Variants in ZC3H12B observed in about 807,000 individuals in gnomAD.
The protein encoded by ZC3H12B is zinc finger CCCH-type containing 12B.
In ZC3H12B, 7 loss-of-function variants were observed where a neutral mutation model predicts 43.9. That is an observed-to-expected ratio of 0.16 (90% CI 0.09 to 0.30). The LOEUF (loss-of-function observed/expected upper bound fraction) is 0.30, where lower values mean the gene tolerates loss of function less well. ZC3H12B is among the 10% of genes least tolerant of loss of function. ZC3H12B has a pLI of 1.00. For missense variants in ZC3H12B, 475 were observed against 670.2 expected (o/e 0.71, Z 3.22); for synonymous variants, 222 against 241.7 (o/e 0.92, Z 0.76).
chrX:65,371,627 G>A (rs1250554952), intron 2 of ZC3H12B, among the ~76,000 whole-genome samples: 1 of 112,115 alleles, frequency 8.9e-6, no homozygotes, highest in Admixed American at 9.5e-5. Context: ...TGAGACTGAA[G>A]CTCTGAACAA....
At chrX:65,133,165 G>A in the ZC3H12B span, among the ~76,000 whole-genome samples, 2 of 111,496 alleles carry the variant, frequency 1.8e-5, no homozygotes, top group Non-Finnish European at 3.8e-5. Flanking sequence ...GGAAGTTCTT[G>A]TGTGCTGGAG....
At chrX:65,184,674 T>C in the ZC3H12B span, among the ~76,000 whole-genome samples, 1 of 111,417 alleles carries the variant, frequency 9.0e-6, no homozygotes, top group Non-Finnish European at 1.9e-5. Context: ...ACTTGAGATG[T>C]AAAAAGTGTT....
At chrX:65,457,875 G>C (rs757749020) in intron 3 of ZC3H12B, among the ~76,000 whole-genome samples, 8 of 63,242 alleles carry the variant, frequency 1.3e-4, no homozygotes, top group East Asian at 4.2e-4. Context: ...CAGCATGCTC[G>C]TTAAGAGTCA....
intron 3 of ZC3H12B, among the ~76,000 whole-genome samples, chrX:65,482,899 A>G (rs952502338): frequency 8.9e-6 from 1 of 111,963 alleles, no homozygotes; most frequent in Non-Finnish European, 1.9e-5. Context: ...ATGAATGAGT[A>G]ATGAAAATCA....
At chrX:65,062,798 A>T in the ZC3H12B span, among the ~76,000 whole-genome samples, 4 of 112,089 alleles carry the variant, frequency 3.6e-5, no homozygotes, top group Non-Finnish European at 7.5e-5. Context: ...TGAGCATGGA[A>T]TGTTTTTCCT....
At chrX:65,081,600 T>C in the ZC3H12B span, among the ~76,000 whole-genome samples, 1 of 111,907 alleles carries the variant, frequency 8.9e-6, no homozygotes, top group Non-Finnish European at 1.9e-5. Context: ...AAAGTATATA[T>C]GCACCCAACA....
the ZC3H12B span, among the ~76,000 whole-genome samples, chrX:65,350,412 A>G: frequency 8.9e-6 from 1 of 111,972 alleles, no homozygotes; most frequent in African/African-American, 3.2e-5. Context: ...TTAGAAAATC[A>G]GCAAAAGACA....
At chrX:65,135,498 C>T in the ZC3H12B span, among the ~76,000 whole-genome samples, 1 of 109,031 alleles carries the variant, frequency 9.2e-6, no homozygotes, top group African/African-American at 3.3e-5. Context: ...TTAATTTTCA[C>T]ATGTTTAATT....
chrX:65,151,980 A>C, the ZC3H12B span, among the ~76,000 whole-genome samples: 1 of 112,016 alleles, frequency 8.9e-6, no homozygotes, highest in Non-Finnish European at 1.9e-5. Flanking sequence ...ATGACAAAAA[A>C]CACATGATTA....
chrX:65,387,601 C>T (rs935146600), intron 2 of ZC3H12B, among the ~76,000 whole-genome samples: 5 of 112,046 alleles, frequency 4.5e-5, no homozygotes, highest in African/African-American at 1.6e-4. Context: ...TCCAATTTGG[C>T]AGTCTGTGTC....
intron 3 of ZC3H12B, among the ~76,000 whole-genome samples, chrX:65,417,061 C>T (rs1456024460): frequency 1.8e-5 from 2 of 111,773 alleles, no homozygotes; most frequent in Non-Finnish European, 3.8e-5. Flanking sequence ...AAAAGGCACA[C>T]TTGGAGAAAT....
chrX:65,224,283 T>A, the ZC3H12B span, among the ~76,000 whole-genome samples: 1 of 112,494 alleles, frequency 8.9e-6, no homozygotes, highest in Non-Finnish European at 1.9e-5. Context: ...ACAATTGCCT[T>A]TGAGTACTCG....
chrX:65,146,068 A>G, the ZC3H12B span, among the ~76,000 whole-genome samples: 7 of 111,413 alleles, frequency 6.3e-5, no homozygotes, highest in Non-Finnish European at 1.1e-4. Context: ...TTATTCCCCC[A>G]AATATGTTTT....
chrX:65,192,529 A>G, the ZC3H12B span, among the ~76,000 whole-genome samples: 1 of 110,852 alleles, frequency 9.0e-6, no homozygotes, highest in African/African-American at 3.3e-5. Flanking sequence ...TTTATTCTGT[A>G]CCCAGTTTTT....
At chrX:65,107,029 T>A in the ZC3H12B span, among the ~76,000 whole-genome samples, 1 of 111,242 alleles carries the variant, frequency 9.0e-6, no homozygotes, top group African/African-American at 3.3e-5. Context: ...TGAATGTAGG[T>A]TGAGATTGGA....
chrX:65,152,928 A>G, the ZC3H12B span, among the ~76,000 whole-genome samples: 9 of 111,740 alleles, frequency 8.1e-5, no homozygotes, highest in African/African-American at 2.0e-4. Flanking sequence ...AAGTAATGCC[A>G]CATATCTACA....
chrX:65,449,679 A>G (rs190064522), intron 3 of ZC3H12B, among the ~76,000 whole-genome samples: 18 of 111,501 alleles, frequency 1.6e-4, no homozygotes, highest in African/African-American at 5.2e-4. Flanking sequence ...GCCATAAATG[A>G]GAATGAAAAA....
chrX:65,389,798 C>T (rs1358148951), intron 2 of ZC3H12B, among the ~76,000 whole-genome samples: 1 of 112,546 alleles, frequency 8.9e-6, no homozygotes, highest in African/African-American at 3.2e-5. Context: ...AATGCTTTTA[C>T]ACTGTTGGTG....
At chrX:65,235,328 C>CT in the ZC3H12B span, among the ~76,000 whole-genome samples, 1 of 112,011 alleles carries the variant, frequency 8.9e-6, no homozygotes, top group African/African-American at 3.2e-5. Flanking sequence ...AAACACATTC[C>CT]TTTTTCTCCA....
Sources: gnomAD v4.1 joint callset for allele counts (sites outside exome capture counted in the v4.1 genomes callset) on GRCh38, gnomAD v4.1.1 for gene constraint, MANE v1.5 for transcripts, NCBI Gene and HGNC (gene_info 2026-07-23, HGNC 2026-07-21) for gene names.